Variants in NME2 observed in about 807,000 individuals in gnomAD.
NME2 encodes the protein NME/NM23 nucleoside diphosphate kinase 2.
NME2 carries 18 observed loss-of-function variants against 17.8 expected under a neutral mutation model. The observed-to-expected ratio is 1.01, with a 90% confidence interval of 0.70 to 1.50. NME2 has a LOEUF of 1.50. NME2 is among the 40% of genes most tolerant of loss of function. The pLI, the probability that NME2 is intolerant of heterozygous loss-of-function variation, is 0.00. For missense variants in NME2, 161 were observed against 195.6 expected (o/e 0.82, Z 1.05); for synonymous variants, 74 against 71.4 (o/e 1.04, Z -0.19).
At chr17:51,170,574 A>C (rs1456927803) in intron 4 of NME2, among the ~76,000 whole-genome samples, 1 of 151,706 alleles carries the variant, frequency 6.6e-6, no homozygotes, top group Admixed American at 6.6e-5. Flanking sequence ...GATCACCTGA[A>C]GTCAGGAGTT....
Position 51,171,570 on chromosome 17 carries a change from A to G in NME2, c.425A>G (p.Tyr142Cys). ...TTTAAGCCTGAAGAACTGGTTGACT[A>G]CAAGTCTTGTGCTCATGACTGGGTC... ...LWFKPEELVD[Y>C]KSCAHDWVYE is the part of the protein sequence containing the mutation. The change falls in exon 5 of 5, where the codon TAC (tyrosine) becomes TGC (cysteine). Residue 142 changes from tyrosine (Y) to cysteine (C), a missense_variant. Tyr to Cys is a radical substitution (Grantham distance 194). Transcript: ENST00000512737. 6.2e-7 allele frequency: 1 copy of G among 1,613,882 alleles called. No homozygotes were observed. The highest frequency in any genetic ancestry group is 8.5e-7 in the Non-Finnish European group (1 of 1,179,768).
At chr17:51,170,148 T>C in intron 4 of NME2, 99 bp downstream of exon 4, 5 of 979,268 alleles carry the variant, frequency 5.1e-6, no homozygotes, top group Non-Finnish European at 7.2e-6. Flanking sequence ...TGCCCTTTTT[T>C]TTTTTTTTTT....
At chr17:51,170,623 T>A (rs1467548252) in intron 4 of NME2, among the ~76,000 whole-genome samples, 1 of 151,554 alleles carries the variant, frequency 6.6e-6, no homozygotes, top group African/African-American at 2.4e-5. Flanking sequence ...GAACCCCGTC[T>A]CTACTAAAAG....
rs570700392 is a variant in NME2 at position 51,166,830 on chromosome 17, C to T, written c.-1C>T. ...GACCGCACCTCTCGCCCCGCAGGAC[C>T]ATGGCCAACCTGGAGCGCACCTTCA... is the stretch of plus-strand genomic sequence containing the variant. On this transcript the variant is annotated 5_prime_UTR_variant, in exon 2 of 5. Coordinates refer to ENST00000512737, the MANE Select transcript of NME2 (RefSeq NM_002512.4). 3 of 1,611,936 alleles carry T rather than the reference C, an allele frequency of 1.9e-6. No individual in the cohort carries two copies. Among genetic ancestry groups the T allele is most frequent in the South Asian group, 2.2e-5 (2 of 90,984 alleles).
intron 1 of NME2, 102 bp from the exon 2 acceptor site, chr17:51,166,725 G>A: frequency 1.6e-6 from 2 of 1,265,676 alleles, no homozygotes; most frequent in South Asian, 2.0e-5. Flanking sequence ...TGTCCCCGCG[G>A]CCGCGCGTGG....
chr17:51,167,328 C>G (rs1281660385), intron 2 of NME2: 3 of 294,616 alleles, frequency 1.0e-5, no homozygotes, highest in East Asian at 2.7e-4. Flanking sequence ...ATCTCCTTTG[C>G]TTTAGTCTGA....
At chr17:51,169,076 G>T (rs759366512) in intron 3 of NME2, among the ~76,000 whole-genome samples, 22 of 152,170 alleles carry the variant, frequency 1.4e-4, no homozygotes, top group Non-Finnish European at 2.9e-4. Context: ...AAGGATGTAA[G>T]AAGTTCTCAA....
At chr17:51,166,604 C>G (rs1335463319) in intron 1 of NME2, 107 bp downstream of exon 1, 1 of 318,774 alleles carries the variant, frequency 3.1e-6, no homozygotes, top group Non-Finnish European at 5.4e-6. Context: ...TCCCGCAGGT[C>G]CCGCGCGGCG....
At chr17:51,169,745 G>C (rs1194968990) in intron 3 of NME2, 192 bp from the exon 4 acceptor site, 2 of 530,076 alleles carry the variant, frequency 3.8e-6, no homozygotes, top group African/African-American at 2.0e-5. Flanking sequence ...AAGTTGGACA[G>C]ACTTTTCTTT....
intron 4 of NME2, among the ~76,000 whole-genome samples, chr17:51,170,855 A>G (rs990172427): frequency 2.0e-4 from 30 of 152,102 alleles, no homozygotes; most frequent in Non-Finnish European, 3.7e-4. Flanking sequence ...AAGCAAGACA[A>G]CAAGGGAGCC....
chr17:51,166,875 C>T lies in NME2; in HGVS notation c.45C>T (p.Gly15=). ...ERTFIAIKPD[G]VQRGLVGEII... ...CCTTCATCGCCATCAAGCCGGACGG[C>T]GTGCAGCGCGGCCTGGTGGGCGAGA... The change falls in exon 2 of 5, where the codon GGC becomes GGT. Residue 15 remains glycine (G), a synonymous_variant. Transcript: ENST00000512737. 1 of 1,613,726 alleles carries T rather than the reference C, an allele frequency of 6.2e-7. No homozygotes were observed. The highest frequency in any genetic ancestry group is 8.5e-7 in the Non-Finnish European group (1 of 1,179,806).
At chr17:51,168,585 T>G (rs2049997599) in intron 3 of NME2, among the ~76,000 whole-genome samples, 2 of 151,974 alleles carry the variant, frequency 1.3e-5, no homozygotes, top group South Asian at 4.2e-4. Flanking sequence ...GTAGGAGAAT[T>G]GCTTGAACCT....
intron 3 of NME2, among the ~76,000 whole-genome samples, chr17:51,168,652 C>A (rs1331718038): frequency 6.6e-6 from 1 of 150,938 alleles, no homozygotes; most frequent in Non-Finnish European, 1.5e-5. Flanking sequence ...GCCTGGGCAA[C>A]AGAGCGAGAC....
intron 4 of NME2, 108 bp from the exon 5 acceptor site, chr17:51,171,379 C>T (rs2050065266): frequency 1.2e-6 from 1 of 857,988 alleles, no homozygotes; most frequent in East Asian, 2.5e-5. Flanking sequence ...TCTGTTGCTT[C>T]AAGTGGCAAT....
intron 1 of NME2, 123 bp from the exon 2 acceptor site, chr17:51,166,704 G>A: frequency 9.3e-7 from 1 of 1,077,180 alleles, no homozygotes; most frequent in Non-Finnish European, 1.2e-6. Context: ...GGAAGCGGCC[G>A]GGAAGCCACG....
At chr17:51,168,152 A>G in intron 2 of NME2, 90 bp from the exon 3 acceptor site, 1 of 1,224,978 alleles carries the variant, frequency 8.2e-7, no homozygotes, top group Non-Finnish European at 1.2e-6. Context: ...GGGCTAGAAT[A>G]TAAAACCGGA....
intron 2 of NME2, among the ~76,000 whole-genome samples, chr17:51,167,671 C>T (rs2049976765): frequency 6.6e-6 from 1 of 152,126 alleles, no homozygotes; most frequent in South Asian, 2.1e-4. Flanking sequence ...ATGTCATTGA[C>T]GGTATGAGGG....
At position 51,170,285 on chromosome 17, in the gene NME2, G is replaced by A. The variant is rs1053701468; in HGVS notation, c.341+236G>A. On this transcript the variant is annotated intron_variant, in intron 4 of 4. Transcript: ENST00000512737. The stretch of plus-strand genomic sequence containing the variant: ...GCCTCCCAAATAGCTGGGATTACAG[G>A]TGCACACTGCCACGCCCGGCTAATT... 3.3e-5 allele frequency among the ~76,000 whole-genome samples: 5 copies of A among 151,608 alleles called. 1 individual carries two copies. Among genetic ancestry groups the A allele is most frequent in the Admixed American group, 6.6e-5 (1 of 15,214 alleles).
chr17:51,169,856 CG>C, intron 3 of NME2, 80 bp from the exon 4 acceptor site: 1 of 1,256,692 alleles, frequency 8.0e-7, no homozygotes, highest in South Asian at 1.2e-5. Context: ...ATTGATGTGT[CG>C]TGTCAGGTAG....
Sources: gnomAD v4.1 joint callset for allele counts (sites outside exome capture counted in the v4.1 genomes callset) on GRCh38, gnomAD v4.1.1 for gene constraint, MANE v1.5 for transcripts, NCBI Gene and HGNC (gene_info 2026-07-23, HGNC 2026-07-21) for gene names.